PRSS55: variants seen among roughly 807,000 people sequenced by gnomAD.
PRSS55 encodes the protein serine protease 55.
In PRSS55, 41 loss-of-function variants were observed where a neutral mutation model predicts 23.6. The ratio of observed to expected loss-of-function variants is 1.74; its 90% CI spans 1.35 to 2.26. The LOEUF (loss-of-function observed/expected upper bound fraction) is 2.26, where lower values mean the gene tolerates loss of function less well. Ranked by LOEUF, PRSS55 falls within the 30% of genes most tolerant of loss-of-function variation. The pLI is 0.00. For missense variants in PRSS55, 669 were observed against 439.1 expected (o/e 1.52, Z -4.68); for synonymous variants, 262 against 175.5 (o/e 1.49, Z -3.90).
At chr8:10,533,254 C>T (rs1056500855) in intron 4 of PRSS55, among the ~76,000 whole-genome samples, 1 of 152,190 alleles carries the variant, frequency 6.6e-6, no homozygotes, top group Non-Finnish European at 1.5e-5. Context: ...TATGCTGCAA[C>T]CCTGCTTAAC....
intron 1 of PRSS55, among the ~76,000 whole-genome samples, chr8:10,527,463 T>G (rs1157722807): frequency 6.6e-6 from 1 of 152,172 alleles, no homozygotes; most frequent in Non-Finnish European, 1.5e-5. Context: ...TAGGAGTTGA[T>G]GTAACGAGGA....
At chr8:10,551,805 C>T (rs1281808207) in intron 4 of PRSS55, among the ~76,000 whole-genome samples, 1 of 152,210 alleles carries the variant, frequency 6.6e-6, no homozygotes, top group Non-Finnish European at 1.5e-5. Flanking sequence ...TGTCAAGCCC[C>T]GTGCTGTCCT....
At chr8:10,541,099 T>C (rs1812642865), downstream of PRSS55, 1 of 152,266 alleles carries the variant, frequency 6.6e-6, no homozygotes, top group Non-Finnish European at 1.5e-5. Context: ...CTGTGGGCTT[T>C]ATAGGTCACA....
chr8:10,539,426 C>T (rs147401120), downstream of PRSS55, among the ~76,000 whole-genome samples: 224 of 152,350 alleles, frequency 1.5e-3, no homozygotes, highest in African/African-American at 4.5e-3. Context: ...TCCATAAAAA[C>T]GAACGATGTG....
chr8:10,544,087 G>C (rs1055797062), intron 4 of PRSS55, among the ~76,000 whole-genome samples: 9 of 152,056 alleles, frequency 5.9e-5, no homozygotes, highest in African/African-American at 2.2e-4. Flanking sequence ...TTAATCTTCT[G>C]TATAGTTGTT....
chr8:10,554,042 C>T, exon 5 of PRSS55: 1 of 1,514,230 alleles, frequency 6.6e-7, no homozygotes, highest in Non-Finnish European at 8.8e-7. Flanking sequence ...ATGCTTTGCT[C>T]TTTCTTCTAC....
chr8:10,525,646 C>A lies in PRSS55; in HGVS notation c.61C>A (p.Arg21=), dbSNP rs540136341. The A allele has an allele frequency of 3.7e-6, 6 of 1,614,168 alleles. No homozygotes were observed. Among genetic ancestry groups the A allele is most frequent in the Non-Finnish European group, 5.1e-6 (6 of 1,180,024 alleles). ...GGTCACGGGAACTCAGCTCGGTCCA[C>A]GGACTCCTCTCCCAGAGGCTGGAGT... ...SLVTGTQLGP[R]TPLPEAGVAI... The change falls in exon 1 of 5, where the codon CGG becomes AGG. Residue 21 remains arginine (R), a synonymous_variant. Transcript: ENST00000328655.
At chr8:10,534,151 C>T (rs904414409) in intron 4 of PRSS55, among the ~76,000 whole-genome samples, 1 of 152,124 alleles carries the variant, frequency 6.6e-6, no homozygotes, top group Non-Finnish European at 1.5e-5. Flanking sequence ...AACATGCACA[C>T]AGAATTGAGA....
rs995576139 is a variant in PRSS55, at chr8:10,548,714, C to T, written c.742-5229C>T. Among the ~76,000 whole-genome samples, 9 of 152,218 alleles carry T rather than the reference C, an allele frequency of 5.9e-5. No individual in the cohort carries two copies. The East Asian group carries it at 1.3e-3, about 23-fold the overall frequency. ...CAAGGTGGGACCCGGCAGCATGAGG[C>T]ACCCACGGCTCCAAAGCCTCAGACT... On this transcript the variant is annotated intron_variant, in intron 4 of 4. Coordinates refer to the PRSS55 transcript ENST00000522210.
chr8:10,551,176 G>A (rs1178334607), intron 4 of PRSS55, among the ~76,000 whole-genome samples: 2 of 152,186 alleles, frequency 1.3e-5, no homozygotes, highest in South Asian at 4.1e-4. Context: ...AGCAATAAAG[G>A]TCGTGCTTCA....
At chr8:10,543,481 T>TTTCTTTC (rs1554584969), downstream of PRSS55, among the ~76,000 whole-genome samples, 1 of 19,768 alleles carries the variant, frequency 5.1e-5, no homozygotes, top group African/African-American at 9.5e-5. Flanking sequence ...TCTTTCTCTC[T>TTTCTTTC]TTTTTTTTTT....
chr8:10,538,900 G>C (rs1005576869), downstream of PRSS55: 2 of 1,137,166 alleles, frequency 1.8e-6, no homozygotes, highest in Middle Eastern at 2.4e-4. Flanking sequence ...ATTGAGGCTG[G>C]GACCAGGAGG....
rs74959867 is a variant in PRSS55 at position 10,549,022 on chromosome 8, A to G, written c.742-4921A>G. 9.4e-3 allele frequency among the ~76,000 whole-genome samples: 1,435 copies of G among 152,250 alleles called. 25 individuals are homozygous for G. Among genetic ancestry groups the G allele is most frequent in the African/African-American group, 0.032 (1,340 of 41,538 alleles). On this transcript the variant is annotated intron_variant, in intron 4 of 4. Transcript: ENST00000522210. ...CTCGTCTGTGGGTGCTGCTGTATATACAGGCATAAGCTCAATAGATGCAAC... is the reference window on the plus strand; with the variant it reads ...CTCGTCTGTGGGTGCTGCTGTATATGCAGGCATAAGCTCAATAGATGCAAC...
chr8:10,543,464 C>T (rs144943733), downstream of PRSS55, among the ~76,000 whole-genome samples: 67,454 of 96,214 alleles, frequency 0.7, 21,954 homozygotes, highest in South Asian at 0.8. Context: ...TCCTTCCTTC[C>T]TTTCTTTCTT....
At chr8:10,549,654 TA>T (rs1382245648) in intron 4 of PRSS55, among the ~76,000 whole-genome samples, 15 of 152,286 alleles carry the variant, frequency 9.8e-5, no homozygotes, top group Non-Finnish European at 1.9e-4. Context: ...CATGTTAGGG[TA>T]CCAGGCAGGG....
In PRSS55 at chr8:10,525,536, C is replaced by A. The variant is rs890586129; in HGVS notation, c.-50C>A. Reference sequence around the variant, plus strand: ...GAGCTGGAGGCTCTCAGCCTCACTGCCTCAGCCCTGGCCTCTGTCACCCCC... The same window carrying A: ...GAGCTGGAGGCTCTCAGCCTCACTGACTCAGCCCTGGCCTCTGTCACCCCC... On this transcript the variant is annotated 5_prime_UTR_variant, in exon 1 of 5. Transcript: ENST00000328655. The A allele has an allele frequency of 1.3e-6, 2 of 1,583,250 alleles. No individual in the cohort carries two copies. The highest frequency in any genetic ancestry group is 1.7e-5 in the Admixed American group (1 of 58,686).
intron 3 of PRSS55, 37 bp from the exon 4 acceptor site, chr8:10,532,869 C>G: frequency 1.2e-6 from 2 of 1,613,206 alleles, no homozygotes; most frequent in Non-Finnish European, 1.7e-6. Flanking sequence ...GACATGAGGC[C>G]CAGTGGCTTC....
At position 10,531,280 on chromosome 8, in the gene PRSS55, G is replaced by C. The variant is rs780902076; in HGVS notation, c.348-15G>C. 2.5e-6 allele frequency: 4 copies of C among 1,612,488 alleles called. No homozygotes were observed. The East Asian group carries it at 6.7e-5, about 27-fold the overall frequency. On this transcript the variant is annotated splice_polypyrimidine_tract_variant and intron_variant, in intron 2 of 4. Coordinates refer to ENST00000328655, the MANE Select transcript of PRSS55 (RefSeq NM_198464.4). ...TTCCCCTTCCACTTGCCCCTCTCTG[G>C]TTCTCTGCCACCAGTCCAGAAGAAC...
At chr8:10,529,774 T>G in intron 2 of PRSS55, 75 bp downstream of exon 2, 1 of 1,437,602 alleles carries the variant, frequency 7.0e-7, no homozygotes, top group Non-Finnish European at 9.6e-7. Flanking sequence ...CACCCACACC[T>G]GGTGGCTGAG....
Sources: gnomAD v4.1 joint callset for allele counts (sites outside exome capture counted in the v4.1 genomes callset) on GRCh38, gnomAD v4.1.1 for gene constraint, MANE v1.5 for transcripts, NCBI Gene and HGNC (gene_info 2026-07-23, HGNC 2026-07-21) for gene names.